Variants in AGBL4 observed in about 807,000 individuals in gnomAD.
AGBL4 encodes the protein cytosolic carboxypeptidase 6.
Under a neutral mutation model 66.4 loss-of-function variants are expected in AGBL4, and 58 were observed. The ratio of observed to expected loss-of-function variants is 0.87; its 90% CI spans 0.71 to 1.09. AGBL4 has a LOEUF of 1.09. AGBL4 is among the 50% of genes least tolerant of loss of function. AGBL4 has a pLI of 0.00. For synonymous variants in AGBL4, 234 were observed against 222.9 expected, an observed-to-expected ratio of 1.05 and a Z score of -0.44; for missense variants, 579 against 631.0, an observed-to-expected ratio of 0.92 and a Z score of 0.88.
In AGBL4 at chr1:49,734,363, C is replaced by T. The variant is rs373040930; in HGVS notation, c.158-36926G>A. On this transcript the variant is annotated intron_variant, in intron 2 of 13. Transcript: ENST00000371839. ...TGGAAAGAAAAAAGTAAAAATGTTC[C>T]TATTCACAGATGATGTGATCCTATA... 3.5e-4 allele frequency among the ~76,000 whole-genome samples: 53 copies of T among 151,874 alleles called. 1 individual carries two copies. In the South Asian group the frequency reaches 9.6e-3, roughly 27 times the overall value.
intron 3 of AGBL4, among the ~76,000 whole-genome samples, chr1:49,282,802 G>A (rs1168034283): frequency 2.0e-5 from 3 of 152,170 alleles, no homozygotes; most frequent in Non-Finnish European, 4.4e-5. Context: ...CGAATATTGC[G>A]CTTTTCGGAC....
At chr1:49,615,694 G>A (rs1273126740) in intron 3 of AGBL4, among the ~76,000 whole-genome samples, 1 of 152,096 alleles carries the variant, frequency 6.6e-6, no homozygotes, top group Non-Finnish European at 1.5e-5. Context: ...CAATTCAAAA[G>A]GAAAGGGCAC....
chr1:49,097,903 A>G (rs1385066585), intron 4 of AGBL4, among the ~76,000 whole-genome samples: 2 of 152,244 alleles, frequency 1.3e-5, no homozygotes, highest in African/African-American at 2.4e-5. Flanking sequence ...TTAATGAGGT[A>G]AAAGTCTTTC....
chr1:49,745,110 A>C lies in AGBL4; in HGVS notation c.158-47673T>G, dbSNP rs915474670. Among the ~76,000 whole-genome samples, 3 of 152,248 alleles carry C rather than the reference A, an allele frequency of 2.0e-5. No homozygotes were observed. The East Asian group carries it at 5.8e-4, about 29-fold the overall frequency. ...GGATTAAGCACTCCAATTAAAAGGC[A>C]TAAATGGAAAAATGGATTAAAAACA... On this transcript the variant is annotated intron_variant, in intron 2 of 13. Coordinates refer to ENST00000371839, the MANE Select transcript of AGBL4 (RefSeq NM_032785.4).
At chr1:49,926,811 T>C (rs1652824135) in intron 1 of AGBL4, among the ~76,000 whole-genome samples, 1 of 152,084 alleles carries the variant, frequency 6.6e-6, no homozygotes, top group Non-Finnish European at 1.5e-5. Context: ...AGGAAAAAAT[T>C]AGTAAGCTCA....
chr1:48,689,322 G>C (rs935763566), intron 6 of AGBL4, among the ~76,000 whole-genome samples: 8 of 151,886 alleles, frequency 5.3e-5, no homozygotes, highest in Admixed American at 4.6e-4. Context: ...ACTGGGCCCA[G>C]ACAGCTGCAA....
chr1:49,813,862 C>G (rs1166961571), intron 2 of AGBL4, among the ~76,000 whole-genome samples: 1 of 152,076 alleles, frequency 6.6e-6, no homozygotes, highest in Non-Finnish European at 1.5e-5. Context: ...TGAATTGTAG[C>G]TCCCATAATC....
intron 5 of AGBL4, among the ~76,000 whole-genome samples, chr1:48,971,118 A>C (rs1318847541): frequency 6.6e-6 from 1 of 152,160 alleles, no homozygotes; most frequent in African/African-American, 2.4e-5. Flanking sequence ...CCAAACCCCC[A>C]GCCTTGGACA....
chr1:49,562,141 T>A (rs1644064985), intron 3 of AGBL4, among the ~76,000 whole-genome samples: 2 of 152,204 alleles, frequency 1.3e-5, no homozygotes, highest in South Asian at 4.1e-4. Flanking sequence ...CTTCGCCGAC[T>A]TTTTAATGTG....
chr1:49,795,946 C>T lies in AGBL4; in HGVS notation c.157+55450G>A, dbSNP rs72903758. Among the ~76,000 whole-genome samples, 376 of 151,856 alleles carry T rather than the reference C, an allele frequency of 2.5e-3. 1 individual carries two copies. Among genetic ancestry groups the T allele is most frequent in the African/African-American group, 8.1e-3 (336 of 41,468 alleles). On this transcript the variant is annotated intron_variant, in intron 2 of 13. Coordinates refer to ENST00000371839, the MANE Select transcript of AGBL4 (RefSeq NM_032785.4). ...AATGAATAATCAATATAATTGACTA[C>T]ATAAAATGTAAATTATCTTATGTGA...
At chr1:48,710,934 A>G (rs1355647636) in intron 6 of AGBL4, among the ~76,000 whole-genome samples, 1 of 152,120 alleles carries the variant, frequency 6.6e-6, no homozygotes, top group African/African-American at 2.4e-5. Flanking sequence ...CAGCTCAGAC[A>G]TTACCTCCCC....
At chr1:48,813,004 A>G (rs1263788306) in intron 6 of AGBL4, among the ~76,000 whole-genome samples, 1 of 152,024 alleles carries the variant, frequency 6.6e-6, no homozygotes, top group Non-Finnish European at 1.5e-5. Context: ...AGATATACCT[A>G]ATGCTAAATG....
chr1:49,775,644 C>G (rs575520927), intron 2 of AGBL4, among the ~76,000 whole-genome samples: 1 of 152,064 alleles, frequency 6.6e-6, no homozygotes, highest in African/African-American at 2.4e-5. Flanking sequence ...CTACATTTCC[C>G]ACCTAAATAT....
At chr1:49,866,374 CT>C (rs1399144272) in intron 1 of AGBL4, among the ~76,000 whole-genome samples, 1 of 151,952 alleles carries the variant, frequency 6.6e-6, no homozygotes, top group Admixed American at 6.6e-5. Flanking sequence ...GCCAAGTTGC[CT>C]AAAAAAAGGG....
intron 2 of AGBL4, among the ~76,000 whole-genome samples, chr1:49,741,893 A>T (rs968214777): frequency 4.6e-5 from 7 of 152,102 alleles, no homozygotes; most frequent in African/African-American, 1.7e-4. Context: ...TATTGATGGG[A>T]CGTATCTCAA....
At chr1:49,548,910 A>C (rs985640768) in intron 3 of AGBL4, among the ~76,000 whole-genome samples, 2 of 151,846 alleles carry the variant, frequency 1.3e-5, no homozygotes, top group Non-Finnish European at 2.9e-5. Flanking sequence ...CTGGTCTGGG[A>C]CTTTTTTTGT....
At chr1:49,468,164 G>C (rs1315437250) in intron 3 of AGBL4, among the ~76,000 whole-genome samples, 1 of 151,728 alleles carries the variant, frequency 6.6e-6, no homozygotes, top group Non-Finnish European at 1.5e-5. Flanking sequence ...TGCAGATGTG[G>C]GACTTGAGTA....
intron 6 of AGBL4, among the ~76,000 whole-genome samples, chr1:48,697,162 G>C (rs890364263): frequency 5.7e-4 from 87 of 152,128 alleles, no homozygotes; most frequent in Non-Finnish European, 1.5e-4. Context: ...AAGACAGAAG[G>C]TTGTCTAAGC....
At chr1:49,240,910 T>C (rs1008210829) in intron 4 of AGBL4, among the ~76,000 whole-genome samples, 8 of 151,988 alleles carry the variant, frequency 5.3e-5, no homozygotes, top group Non-Finnish European at 8.8e-5. Context: ...TTTCTCCTCC[T>C]ATGGTCCCTA....
Sources: gnomAD v4.1 joint callset for allele counts (sites outside exome capture counted in the v4.1 genomes callset) on GRCh38, gnomAD v4.1.1 for gene constraint, MANE v1.5 for transcripts, NCBI Gene and HGNC (gene_info 2026-07-23, HGNC 2026-07-21) for gene names.